The following DYRK1A variants were observed in gnomAD, a reference collection of about 807,000 sequenced individuals.
DYRK1A encodes dual specificity tyrosine phosphorylation regulated kinase 1A.
Under a neutral mutation model 79.7 loss-of-function variants are expected in DYRK1A, and 9 were observed. The observed-to-expected ratio is 0.11, with a 90% confidence interval of 0.07 to 0.20. DYRK1A has a LOEUF of 0.20. Among genes scored for constraint, DYRK1A ranks in the 10% least tolerant of loss-of-function variants. The probability of loss-of-function intolerance (pLI) is 1.00; values close to 1 mark genes in which losing one functional copy is unlikely to be tolerated. For synonymous variants in DYRK1A, 349 were observed against 329.7 expected (o/e 1.06, Z -0.63); for missense variants, 622 against 956.0 (o/e 0.65, Z 4.61).
At chr21:37,469,357 T>C (rs1023547387) in intron 2 of DYRK1A, among the ~76,000 whole-genome samples, 2 of 152,212 alleles carry the variant, frequency 1.3e-5, no homozygotes, top group Non-Finnish European at 2.9e-5. Context: ...CGGTCAGTAG[T>C]AGAATGGATA....
chr21:37,375,519 C>CTTTTTTTTT (rs58948987), intron 1 of DYRK1A, among the ~76,000 whole-genome samples: 31 of 81,438 alleles, frequency 3.8e-4, no homozygotes, highest in South Asian at 9.5e-4. Context: ...AGGAATATTA[C>CTTTTTTTTT]TTTTTTTTTT....
At chr21:37,368,693 T>A (rs1342506536) in intron 1 of DYRK1A, among the ~76,000 whole-genome samples, 1 of 151,748 alleles carries the variant, frequency 6.6e-6, no homozygotes, top group Non-Finnish European at 1.5e-5. Flanking sequence ...ATGAGGAGAG[T>A]GAGTCTGGAG....
chr21:37,511,836 G>C, intron 11 of DYRK1A, 75 bp from the exon 12 acceptor site: 1 of 1,516,228 alleles, frequency 6.6e-7, no homozygotes, highest in South Asian at 1.3e-5. Context: ...GTTTGTTAGT[G>C]TCATGGCTTT....
intron 1 of DYRK1A, among the ~76,000 whole-genome samples, chr21:37,417,506 C>CTTTTTCTTTTTCT (rs375931123): frequency 5.8e-4 from 41 of 70,460 alleles, no homozygotes; most frequent in African/African-American, 2.4e-3. Context: ...TTTTATTTTT[C>CTTTTTCTTTTTCT]TTTTCTTTTT....
chr21:37,476,631 A>C (rs1743345754), intron 3 of DYRK1A, among the ~76,000 whole-genome samples: 1 of 152,248 alleles, frequency 6.6e-6, no homozygotes, highest in Non-Finnish European at 1.5e-5. Context: ...TCATTCACAG[A>C]AAAACTGACG....
intron 1 of DYRK1A, among the ~76,000 whole-genome samples, chr21:37,408,994 G>A (rs947212726): frequency 2.0e-5 from 3 of 152,162 alleles, no homozygotes; most frequent in Non-Finnish European, 4.4e-5. Context: ...TGTTGTGCCA[G>A]GGTCATGTCT....
At chr21:37,441,106 A>G (rs1033197947) in intron 2 of DYRK1A, among the ~76,000 whole-genome samples, 1 of 152,016 alleles carries the variant, frequency 6.6e-6, no homozygotes, top group East Asian at 1.9e-4. Flanking sequence ...AGGATTTAGT[A>G]TGTTCTCTTG....
intron 2 of DYRK1A, among the ~76,000 whole-genome samples, chr21:37,451,708 A>AGGCTCCACCGTC (rs2051459080): frequency 6.7e-6 from 1 of 148,728 alleles, no homozygotes; most frequent in Non-Finnish European, 1.5e-5. Context: ...CGTGCAGTGT[A>AGGCTCCACCGTC]TACTCAGTGA....
At chr21:37,369,813 A>G (rs1056339996) in intron 1 of DYRK1A, among the ~76,000 whole-genome samples, 2 of 152,258 alleles carry the variant, frequency 1.3e-5, no homozygotes, top group Non-Finnish European at 2.9e-5. Flanking sequence ...ATCTAAGTAT[A>G]AGATCATCTC....
At chr21:37,507,313 C>T (rs1487264982) in intron 11 of DYRK1A, among the ~76,000 whole-genome samples, 4 of 152,308 alleles carry the variant, frequency 2.6e-5, no homozygotes, top group Middle Eastern at 3.4e-3. Flanking sequence ...TCTCCCTCAG[C>T]TCCGGTGTCT....
intron 2 of DYRK1A, among the ~76,000 whole-genome samples, chr21:37,454,825 T>C (rs1251711578): frequency 2.6e-5 from 4 of 152,170 alleles, no homozygotes; most frequent in South Asian, 2.1e-4. Flanking sequence ...ACAAAGATGC[T>C]GATGTTAAAG....
At chr21:37,415,323 A>T (rs2050316912) in intron 1 of DYRK1A, among the ~76,000 whole-genome samples, 1 of 152,194 alleles carries the variant, frequency 6.6e-6, no homozygotes, top group South Asian at 2.1e-4. Context: ...TTCCACTTCC[A>T]AAATGCCATT....
chr21:37,369,232 A>G (rs2049381269), intron 1 of DYRK1A, among the ~76,000 whole-genome samples: 1 of 152,184 alleles, frequency 6.6e-6, no homozygotes, highest in Non-Finnish European at 1.5e-5. Context: ...ACTCAGGGGA[A>G]TTACCTTTAG....
Position 37,415,259 on chromosome 21 carries a change from A to T in DYRK1A, c.-76-5040A>T, listed in dbSNP as rs569621786. Among the ~76,000 whole-genome samples the T allele has an allele frequency of 3.3e-5, 5 of 152,292 alleles. No homozygotes were observed. In the South Asian group the frequency reaches 1.0e-3, roughly 32 times the overall value. ...AAACCTTCTCCCTAGTTCTTTTCAC[A>T]TAATTGCATGAGAAAGCACATGCTT... is the stretch of plus-strand genomic sequence containing the variant. On this transcript the variant is annotated intron_variant, in intron 1 of 11. Transcript: ENST00000647188.
intron 1 of DYRK1A, among the ~76,000 whole-genome samples, chr21:37,416,812 A>G (rs763624020): frequency 3.9e-5 from 6 of 151,948 alleles, no homozygotes; most frequent in African/African-American, 9.7e-5. Context: ...ACTGTATTTT[A>G]TCTTTTCATA....
At chr21:37,490,825 G>T (rs578031399) in intron 7 of DYRK1A, among the ~76,000 whole-genome samples, 94 of 152,030 alleles carry the variant, frequency 6.2e-4, no homozygotes, top group African/African-American at 1.9e-3. Flanking sequence ...TATGCTAAAA[G>T]ATTAAGGGAG....
intron 1 of DYRK1A, among the ~76,000 whole-genome samples, chr21:37,412,554 A>G (rs2050263914): frequency 6.6e-6 from 1 of 152,194 alleles, no homozygotes; most frequent in Admixed American, 6.5e-5. Context: ...TGACATAACC[A>G]TCAGGCCTAG....
At chr21:37,501,759 G>A (rs1195060314) in intron 9 of DYRK1A, 1 of 152,140 alleles carries the variant, frequency 6.6e-6, no homozygotes, top group South Asian at 2.1e-4. Context: ...TATCAATGTA[G>A]ATCAAATTGT....
In DYRK1A at chr21:37,403,661, ATATGTGTGTGTG is replaced by A. The variant is rs769584731; in HGVS notation, c.-76-16636_-76-16625del. ...AAAAAAAAAAAAAATATATATATAT[ATATGTGTGTGTG>A]TGTGTGTGTGTGTGTGTGTGTGTGT... On this transcript the variant is annotated intron_variant, in intron 1 of 11. Coordinates refer to ENST00000647188, the MANE Select transcript of DYRK1A (RefSeq NM_001347721.2). Among the ~76,000 whole-genome samples, 40 of 113,370 alleles carry A rather than the reference ATATGTGTGTGTG, an allele frequency of 3.5e-4. 1 individual carries two copies. The highest frequency in any genetic ancestry group is 2.0e-3 in the South Asian group (7 of 3,566). 74.4% of individuals were successfully genotyped at this position (113,370 alleles called of 152,430 possible).
Sources: gnomAD v4.1 joint callset for allele counts (sites outside exome capture counted in the v4.1 genomes callset) on GRCh38, gnomAD v4.1.1 for gene constraint, MANE v1.5 for transcripts, NCBI Gene and HGNC (gene_info 2026-07-23, HGNC 2026-07-21) for gene names.